Variants in BRWD1 observed in about 807,000 individuals in gnomAD.
The protein encoded by BRWD1 is bromodomain and WD repeat domain containing 1.
A neutral mutation model predicts 251.2 loss-of-function variants in BRWD1; 82 were observed. That is an observed-to-expected ratio of 0.33 (90% CI 0.27 to 0.39). The LOEUF (loss-of-function observed/expected upper bound fraction) is 0.39, where lower values mean the gene tolerates loss of function less well. Among genes scored for constraint, BRWD1 ranks in the 10% least tolerant of loss-of-function variants. The probability of loss-of-function intolerance (pLI) is 1.00; values close to 1 mark genes in which losing one functional copy is unlikely to be tolerated. For synonymous variants in BRWD1, 918 were observed against 902.8 expected, an observed-to-expected ratio of 1.02 and a Z score of -0.30; for missense variants, 2,233 against 2,711.6, an observed-to-expected ratio of 0.82 and a Z score of 3.92.
At chr21:39,275,300 G>T (rs1353721611) in intron 12 of BRWD1, among the ~76,000 whole-genome samples, 1 of 152,046 alleles carries the variant, frequency 6.6e-6, no homozygotes, top group Non-Finnish European at 1.5e-5. Flanking sequence ...TTCTTTGCAG[G>T]ATATATCACG....
upstream of BRWD1, among the ~76,000 whole-genome samples, chr21:39,317,703 T>C (rs1038896527): frequency 1.3e-5 from 2 of 152,246 alleles, no homozygotes; most frequent in African/African-American, 4.8e-5. Flanking sequence ...TAAGTACGTG[T>C]GTAATCTCAT....
chr21:39,201,183 T>A (rs963876832), intron 38 of BRWD1, among the ~76,000 whole-genome samples: 12 of 151,560 alleles, frequency 7.9e-5, no homozygotes, highest in African/African-American at 1.9e-4. Context: ...AGAGAAAGAG[T>A]GTGAGAGGGA....
intron 33 of BRWD1, 101 bp downstream of exon 33, chr21:39,213,380 G>T: frequency 2.1e-6 from 2 of 939,492 alleles, no homozygotes; most frequent in South Asian, 1.4e-5. Flanking sequence ...TTGTTCATTG[G>T]ACTACTACAA....
chr21:39,202,674 A>G, intron 37 of BRWD1, 129 bp from the exon 38 acceptor site: 1 of 633,722 alleles, frequency 1.6e-6, no homozygotes, highest in South Asian at 2.3e-5. Context: ...CAAAACATTA[A>G]AATATTCACT....
At chr21:39,203,252 C>T (rs1351681013) in intron 37 of BRWD1, among the ~76,000 whole-genome samples, 1 of 152,060 alleles carries the variant, frequency 6.6e-6, no homozygotes, top group African/African-American at 2.4e-5. Flanking sequence ...GGAGTTCAAA[C>T]ACTAGCCTGG....
At chr21:39,313,331 C>T (rs1194205058) in intron 1 of BRWD1, 32 bp from the exon 2 acceptor site, 18 of 1,500,404 alleles carry the variant, frequency 1.2e-5, no homozygotes, top group Non-Finnish European at 1.5e-5. Context: ...GGTCAAGCCC[C>T]GGCGGGGAGG....
chr21:39,297,886 C>G (rs2146760830), intron 5 of BRWD1: 1 of 983,988 alleles, frequency 1.0e-6, no homozygotes, highest in Middle Eastern at 5.2e-4. Flanking sequence ...ATATACCAAG[C>G]TAACAGAAAA....
chr21:39,234,615 C>G (rs1264022586), intron 23 of BRWD1, among the ~76,000 whole-genome samples: 1 of 152,132 alleles, frequency 6.6e-6, no homozygotes, highest in Non-Finnish European at 1.5e-5. Flanking sequence ...ACTCACACCC[C>G]ACTCAACCAA....
chr21:39,215,274 C>T lies in BRWD1; in HGVS notation c.3748G>A (p.Ala1250Thr). 1.2e-6 allele frequency: 2 copies of T among 1,612,592 alleles called. No homozygotes were observed. Among genetic ancestry groups the T allele is most frequent in the Non-Finnish European group, 1.7e-6 (2 of 1,178,794 alleles). Residue 1250 changes from alanine to threonine, a missense_variant, in exon 32 of 41, where the codon GCT becomes ACT. By Grantham distance (58) the Ala-to-Thr change is moderately conservative. Transcript: ENST00000342449. ...NEPESVIARS[A>T]KKITDQLLKF... ...AAAAGTTGGTCAGTTATCTTTTTAG[C>T]TGATCTTGCAATTACACTCTCAGGT...
At position 39,199,030 on chromosome 21, in the gene BRWD1, C is replaced by T; in HGVS notation, c.5386G>A (p.Gly1796Arg). The stretch of plus-strand genomic sequence containing the variant: ...TTGTATTTCCTACCACCAGATCTTC[C>T]TGGTTCAGAATCTGCTTCCTCTGAG... ...SISEEADSEP[G>R]RSGGRKYNTF... The change falls in exon 40 of 41, where the codon GGA (glycine) becomes AGA (arginine). Residue 1796 changes from glycine (G) to arginine (R), a missense_variant. Transcript: ENST00000342449. The T allele has an allele frequency of 1.2e-6, 2 of 1,614,124 alleles. No homozygotes were observed. Among genetic ancestry groups the T allele is most frequent in the Non-Finnish European group, 1.7e-6 (2 of 1,180,036 alleles).
chr21:39,312,730 C>G (rs1430435695), intron 4 of BRWD1, 111 bp downstream of exon 4: 6 of 694,470 alleles, frequency 8.6e-6, no homozygotes, highest in Non-Finnish European at 1.1e-5. Flanking sequence ...GGCCGCCCCC[C>G]AGTGCGGGTC....
intron 29 of BRWD1, among the ~76,000 whole-genome samples, chr21:39,218,922 C>T (rs544027453): frequency 6.6e-6 from 1 of 152,196 alleles, no homozygotes; most frequent in South Asian, 2.1e-4. Flanking sequence ...TCTATTTCTT[C>T]AAGGAGGCAA....
chr21:39,318,523 C>A (rs1463143464), upstream of BRWD1, among the ~76,000 whole-genome samples: 7 of 152,316 alleles, frequency 4.6e-5, no homozygotes, highest in East Asian at 1.3e-3. Context: ...AACACTATAC[C>A]ACAAACTGGA....
At chr21:39,272,008 CA>C (rs376900840) in intron 13 of BRWD1, among the ~76,000 whole-genome samples, 9 of 115,164 alleles carry the variant, frequency 7.8e-5, no homozygotes, top group Admixed American at 2.9e-4. Context: ...CACTCCATTT[CA>C]AAAAAAAAAA....
At chr21:39,295,662 A>C (rs1403727475) in intron 7 of BRWD1, 81 bp downstream of exon 7, 3 of 1,173,898 alleles carry the variant, frequency 2.6e-6, no homozygotes, top group Non-Finnish European at 3.5e-6. Flanking sequence ...TGGGAAACAG[A>C]AACTAAGATT....
upstream of BRWD1, among the ~76,000 whole-genome samples, chr21:39,315,466 TCTA>T (rs2036682540): frequency 6.6e-6 from 1 of 151,854 alleles, no homozygotes; most frequent in South Asian, 2.1e-4. Flanking sequence ...AACCCCCGTC[TCTA>T]CTAAAAATAA....
intron 8 of BRWD1, among the ~76,000 whole-genome samples, chr21:39,285,055 A>G (rs1237836369): frequency 6.6e-6 from 1 of 152,242 alleles, no homozygotes; most frequent in East Asian, 1.9e-4. Flanking sequence ...CACAATAGTC[A>G]AGACATGAAT....
intron 15 of BRWD1, among the ~76,000 whole-genome samples, chr21:39,267,589 ACT>A (rs978174541): frequency 4.2e-4 from 64 of 152,196 alleles, no homozygotes; most frequent in African/African-American, 1.5e-3. Context: ...ACAGAGAGAG[ACT>A]CTGTCTCAAA....
intron 36 of BRWD1, among the ~76,000 whole-genome samples, chr21:39,207,485 A>ACACACACACACACACACACACAC (rs1350272514): frequency 8.3e-6 from 1 of 120,154 alleles, no homozygotes; most frequent in Admixed American, 8.3e-5. Context: ...CACACACACA[A>ACACACACACACACACACACACAC]ACAAAACTCC....
Sources: gnomAD v4.1 joint callset for allele counts (sites outside exome capture counted in the v4.1 genomes callset) on GRCh38, gnomAD v4.1.1 for gene constraint, MANE v1.5 for transcripts, NCBI Gene and HGNC (gene_info 2026-07-23, HGNC 2026-07-21) for gene names.